Variants in AIRIM observed in about 807,000 individuals in gnomAD.
The protein encoded by AIRIM is AFG2-interacting ribosome maturation factor.
At chr1:37,685,980 C>T in the AIRIM span, among the ~76,000 whole-genome samples, 1 of 152,188 alleles carries the variant, frequency 6.6e-6, no homozygotes, top group Non-Finnish European at 1.5e-5. Context: ...CACAACTCCA[C>T]CCTCACTCCT....
chr1:37,692,140 G>C, the AIRIM span: 11 of 159,014 alleles, frequency 6.9e-5, 1 homozygote, highest in South Asian at 1.8e-3. Context: ...GTGGCAGCCA[G>C]GCCAGAAAGA....
chr1:37,691,779 T>C, the AIRIM span, among the ~76,000 whole-genome samples: 1 of 152,206 alleles, frequency 6.6e-6, no homozygotes, highest in Non-Finnish European at 1.5e-5. Flanking sequence ...CAAGCGCCAC[T>C]ACTTGCACCT....
the AIRIM span, chr1:37,684,082 A>G: frequency 6.6e-6 from 1 of 152,428 alleles, no homozygotes; most frequent in African/African-American, 2.4e-5. Context: ...TCAGCTTAGA[A>G]GGAAAGAAAC....
chr1:37,689,533 T>C, the AIRIM span: 19 of 1,475,620 alleles, frequency 1.3e-5, no homozygotes, highest in Non-Finnish European at 1.5e-5. Context: ...CCTTCTGGAC[T>C]GACACTAGCT....
At chr1:37,684,997 C>CA in the AIRIM span, among the ~76,000 whole-genome samples, 21,346 of 149,752 alleles carry the variant, frequency 0.14, 1,615 homozygotes, top group Non-Finnish European at 0.18. Flanking sequence ...ATCTCCTAGG[C>CA]AAAAAAAAAA....
the AIRIM span, chr1:37,686,286 G>C: frequency 1.2e-6 from 2 of 1,613,180 alleles, no homozygotes; most frequent in Non-Finnish European, 1.7e-6. Context: ...TTTCGATAAT[G>C]TCTCTCAATA....
the AIRIM span, among the ~76,000 whole-genome samples, chr1:37,687,080 G>T: frequency 0.24 from 35,499 of 148,890 alleles, 4,433 homozygotes; most frequent in Middle Eastern, 0.28. Flanking sequence ...GTGTGTGTGT[G>T]TGTGTGTGTG....
chr1:37,690,479 C>T, the AIRIM span: 4 of 1,247,700 alleles, frequency 3.2e-6, no homozygotes, highest in African/African-American at 1.6e-5. Flanking sequence ...ACAGCCAAAG[C>T]GTGAGAACCC....
the AIRIM span, chr1:37,689,713 C>T: frequency 1.9e-6 from 3 of 1,614,048 alleles, no homozygotes; most frequent in Non-Finnish European, 2.5e-6. Context: ...CATCCTCAAA[C>T]CGCAGGTTCT....
chr1:37,683,682 C>A, the AIRIM span: 1 of 401,794 alleles, frequency 2.5e-6, no homozygotes, highest in Non-Finnish European at 4.5e-6. Context: ...ATGGTGAGGA[C>A]AAAATCAGAT....
chr1:37,690,392 C>G, the AIRIM span: 1 of 1,289,658 alleles, frequency 7.8e-7, no homozygotes, highest in African/African-American at 1.5e-5. Flanking sequence ...CGTCTCTTCT[C>G]TGACATACAG....
At chr1:37,690,656 T>C in the AIRIM span, 1 of 248,918 alleles carries the variant, frequency 4.0e-6, no homozygotes, top group South Asian at 4.4e-5. Context: ...GCCACTCGGC[T>C]TGAAGCTTCC....
At chr1:37,681,673 G>A in the AIRIM span, 3 of 152,168 alleles carry the variant, frequency 2.0e-5, no homozygotes, top group East Asian at 1.9e-4. Context: ...GATGGATAAC[G>A]GTACATTTCT....
the AIRIM span, chr1:37,689,770 G>A: frequency 6.2e-7 from 1 of 1,613,362 alleles, no homozygotes; most frequent in African/African-American, 1.3e-5. Context: ...AGGACAGGAG[G>A]GGCTGGCAGT....
chr1:37,692,240 C>A, the AIRIM span: 1 of 203,296 alleles, frequency 4.9e-6, no homozygotes, highest in Non-Finnish European at 1.0e-5. Context: ...GCAGAGCCGC[C>A]ACAAGGCCTG....
At chr1:37,689,895 G>C in the AIRIM span, 2 of 1,526,552 alleles carry the variant, frequency 1.3e-6, no homozygotes, top group Non-Finnish European at 1.7e-6. Flanking sequence ...TGCTGAAAAA[G>C]ATAAAAACAG....
At chr1:37,683,487 GAAA>G in the AIRIM span, 9 of 1,563,426 alleles carry the variant, frequency 5.8e-6, no homozygotes, top group Non-Finnish European at 7.8e-6. Flanking sequence ...ATGCTGAAGT[GAAA>G]AAAAACACCC....
the AIRIM span, chr1:37,690,186 T>A: frequency 8.5e-7 from 1 of 1,175,538 alleles, no homozygotes; most frequent in Non-Finnish European, 1.1e-6. Context: ...CTGGCTAATT[T>A]TTGTATTTTT....
the AIRIM span, chr1:37,689,728 G>C: frequency 3.1e-6 from 5 of 1,613,924 alleles, no homozygotes; most frequent in Non-Finnish European, 4.2e-6. Flanking sequence ...GGTTCTGTGC[G>C]GCCTGCAGCT....
Sources: gnomAD v4.1 joint callset for allele counts (sites outside exome capture counted in the v4.1 genomes callset) on GRCh38, gnomAD v4.1.1 for gene constraint, MANE v1.5 for transcripts, NCBI Gene and HGNC (gene_info 2026-07-23, HGNC 2026-07-21) for gene names.